The following LSAMP variants were observed in gnomAD, a reference collection of about 807,000 sequenced individuals.
LSAMP encodes the protein limbic system associated membrane protein.
Under a neutral mutation model 38.6 loss-of-function variants are expected in LSAMP, and 7 were observed. The observed-to-expected ratio is 0.18, with a 90% CI of 0.10 to 0.34. LSAMP has a LOEUF of 0.34. LSAMP is among the 10% of genes least tolerant of loss of function. The pLI, the probability that LSAMP is intolerant of heterozygous loss-of-function variation, is 1.00. For missense variants in LSAMP, 313 were observed against 420.0 expected, an observed-to-expected ratio of 0.75 and a Z score of 2.23; for synonymous variants, 154 against 166.8, an observed-to-expected ratio of 0.92 and a Z score of 0.59.
At chr3:115,969,421 T>G (rs1159260438) in intron 3 of LSAMP, among the ~76,000 whole-genome samples, 4 of 152,210 alleles carry the variant, frequency 2.6e-5, no homozygotes. Context: ...GATTTAAGCC[T>G]GATCATAACC....
chr3:116,133,118 C>A (rs1004646282), intron 1 of LSAMP, among the ~76,000 whole-genome samples: 1 of 152,184 alleles, frequency 6.6e-6, no homozygotes, highest in African/African-American at 2.4e-5. Context: ...AAGATTAGCA[C>A]TTGCCTTCTT....
intron 3 of LSAMP, among the ~76,000 whole-genome samples, chr3:115,988,229 T>C (rs561579304): frequency 6.6e-6 from 1 of 152,286 alleles, no homozygotes; most frequent in South Asian, 2.1e-4. Context: ...GAACATTATA[T>C]AAGTGATGTA....
intron 3 of LSAMP, among the ~76,000 whole-genome samples, chr3:115,982,931 C>A (rs1277673576): frequency 1.2e-4 from 16 of 136,278 alleles, no homozygotes; most frequent in African/African-American, 4.1e-4. Flanking sequence ...CCTATGGAGA[C>A]TTTTTTTTTT....
intron 1 of LSAMP, among the ~76,000 whole-genome samples, chr3:116,090,279 A>T (rs760270084): frequency 2.6e-5 from 4 of 152,100 alleles, no homozygotes; most frequent in Non-Finnish European, 5.9e-5. Flanking sequence ...TTCAATTTGT[A>T]GAGGTCTACG....
chr3:116,056,792 C>G (rs1341320565), intron 2 of LSAMP, among the ~76,000 whole-genome samples: 4 of 152,120 alleles, frequency 2.6e-5, no homozygotes, highest in Non-Finnish European at 5.9e-5. Flanking sequence ...AACCAAGAAA[C>G]AAATCCTCAT....
At chr3:115,968,155 A>T (rs1938888042) in intron 3 of LSAMP, among the ~76,000 whole-genome samples, 1 of 152,060 alleles carries the variant, frequency 6.6e-6, no homozygotes. Context: ...TCCTGGAATA[A>T]GGAACCCCAA....
chr3:116,045,464 A>G (rs1941269360), intron 2 of LSAMP, among the ~76,000 whole-genome samples: 1 of 151,748 alleles, frequency 6.6e-6, no homozygotes, highest in Non-Finnish European at 1.5e-5. Context: ...AGAGTCAGCA[A>G]ACCTGGGAAA....
At chr3:116,207,747 G>T (rs998666303) in intron 1 of LSAMP, among the ~76,000 whole-genome samples, 1 of 151,836 alleles carries the variant, frequency 6.6e-6, no homozygotes, top group Non-Finnish European at 1.5e-5. Context: ...CTCTCTTCTG[G>T]CTTGTAGGGT....
intron 1 of LSAMP, among the ~76,000 whole-genome samples, chr3:116,396,715 A>G (rs1422200994): frequency 1.3e-5 from 2 of 152,104 alleles, no homozygotes; most frequent in East Asian, 3.9e-4. Flanking sequence ...CTACTGTTCT[A>G]CTCAGTGTTT....
At chr3:116,107,598 G>A (rs1708497328) in intron 1 of LSAMP, among the ~76,000 whole-genome samples, 1 of 152,172 alleles carries the variant, frequency 6.6e-6, no homozygotes, top group Non-Finnish European at 1.5e-5. Flanking sequence ...GAGCATGTGT[G>A]TTTTTAAGAG....
At chr3:116,413,598 T>C (rs550199019) in intron 1 of LSAMP, among the ~76,000 whole-genome samples, 3 of 152,160 alleles carry the variant, frequency 2.0e-5, no homozygotes, top group South Asian at 2.1e-4. Flanking sequence ...AAAGGTACTA[T>C]ACTTTAAATT....
At chr3:116,392,217 G>A (rs1401723345) in intron 1 of LSAMP, among the ~76,000 whole-genome samples, 2 of 152,160 alleles carry the variant, frequency 1.3e-5, no homozygotes, top group Non-Finnish European at 2.9e-5. Flanking sequence ...TGAGTTGGTG[G>A]AGTGGGAACT....
At chr3:116,340,480 A>C (rs2047977853) in intron 1 of LSAMP, among the ~76,000 whole-genome samples, 1 of 151,972 alleles carries the variant, frequency 6.6e-6, no homozygotes, top group Non-Finnish European at 1.5e-5. Context: ...GATGGAAAAA[A>C]GTACTATCTG....
intron 6 of LSAMP, among the ~76,000 whole-genome samples, chr3:115,832,529 T>C (rs1934648801): frequency 6.6e-6 from 1 of 152,154 alleles, no homozygotes; most frequent in Non-Finnish European, 1.5e-5. Flanking sequence ...ATCCTATTGT[T>C]AGTATTTCTT....
intron 3 of LSAMP, among the ~76,000 whole-genome samples, chr3:115,869,696 T>C (rs982088137): frequency 7.9e-5 from 12 of 152,128 alleles, no homozygotes; most frequent in Non-Finnish European, 1.8e-4. Context: ...GTTATAATCA[T>C]TTTCAAGAGT....
intron 1 of LSAMP, among the ~76,000 whole-genome samples, chr3:116,198,676 C>T (rs1329879300): frequency 6.6e-6 from 1 of 150,512 alleles, no homozygotes; most frequent in African/African-American, 2.4e-5. Context: ...GAGGCTGAGG[C>T]AGGAGAATGA....
intron 3 of LSAMP, among the ~76,000 whole-genome samples, chr3:115,875,177 T>C (rs528141893): frequency 6.6e-6 from 1 of 152,278 alleles, no homozygotes; most frequent in Admixed American, 6.5e-5. Flanking sequence ...CCAAATATTT[T>C]CCTCAGAAGA....
intron 2 of LSAMP, among the ~76,000 whole-genome samples, chr3:116,045,639 AT>A (rs1434795355): frequency 1.3e-5 from 2 of 151,120 alleles, no homozygotes; most frequent in East Asian, 3.9e-4. Context: ...GCCCTGTTTT[AT>A]AAAAAGTGAG....
intron 1 of LSAMP, among the ~76,000 whole-genome samples, chr3:116,116,654 T>G (rs1346535514): frequency 6.6e-6 from 1 of 151,310 alleles, no homozygotes; most frequent in Non-Finnish European, 1.5e-5. Context: ...GAAGTGGAGG[T>G]TGCAGTGAGC....
Sources: allele counts gnomAD v4.1 joint callset (sites outside exome capture counted in the v4.1 genomes callset), GRCh38; gene constraint gnomAD v4.1.1; transcripts MANE v1.5; gene names NCBI Gene and HGNC (gene_info 2026-07-23, HGNC 2026-07-21).